GRID1: variants seen among roughly 807,000 people sequenced by gnomAD.
GRID1 encodes the protein glutamate receptor ionotropic, delta-1.
In GRID1, 28 loss-of-function variants were observed where a neutral mutation model predicts 98.0. The ratio of observed to expected loss-of-function variants is 0.29; its 90% CI spans 0.21 to 0.39. The LOEUF (loss-of-function observed/expected upper bound fraction) is 0.39, where lower values mean the gene tolerates loss of function less well. Among genes scored for constraint, GRID1 ranks in the 10% least tolerant of loss-of-function variants. GRID1 has a pLI of 1.00. For synonymous variants in GRID1, 553 were observed against 538.5 expected (o/e 1.03, Z -0.37); for missense variants, 1,111 against 1,340.5 (o/e 0.83, Z 2.67).
chr10:85,847,314 A>G (rs1049478390), intron 8 of GRID1, among the ~76,000 whole-genome samples: 1 of 152,226 alleles, frequency 6.6e-6, no homozygotes, highest in Non-Finnish European at 1.5e-5. Flanking sequence ...GATATGAAAA[A>G]GACCTGGGCC....
chr10:86,232,102 TC>T (rs1386542624), intron 2 of GRID1, among the ~76,000 whole-genome samples: 1 of 152,164 alleles, frequency 6.6e-6, no homozygotes, highest in African/African-American at 2.4e-5. Context: ...AAGCCCTGAA[TC>T]CCAGCTTCCC....
At chr10:86,350,714 C>T (rs1848450967) in intron 2 of GRID1, among the ~76,000 whole-genome samples, 1 of 152,018 alleles carries the variant, frequency 6.6e-6, no homozygotes, top group Non-Finnish European at 1.5e-5. Context: ...TATTTCAATA[C>T]ATGCGTACAA....
At chr10:86,048,748 C>T (rs1229721033) in intron 4 of GRID1, among the ~76,000 whole-genome samples, 1 of 152,204 alleles carries the variant, frequency 6.6e-6, no homozygotes, top group East Asian at 1.9e-4. Context: ...TTATTCAGGA[C>T]ACATCCCACT....
At chr10:86,239,734 C>T (rs1436112444) in intron 2 of GRID1, among the ~76,000 whole-genome samples, 3 of 152,214 alleles carry the variant, frequency 2.0e-5, no homozygotes, top group African/African-American at 7.2e-5. Flanking sequence ...ATGCCTGTTT[C>T]CCTTTCACCT....
At chr10:85,994,552 G>A (rs1471744009) in intron 4 of GRID1, among the ~76,000 whole-genome samples, 1 of 152,214 alleles carries the variant, frequency 6.6e-6, no homozygotes, top group Non-Finnish European at 1.5e-5. Flanking sequence ...AAGGGATGCT[G>A]GGAGGCCCTG....
chr10:85,627,820 A>G (rs1564681771), intron 13 of GRID1, among the ~76,000 whole-genome samples: 3 of 152,188 alleles, frequency 2.0e-5, no homozygotes, highest in African/African-American at 7.2e-5. Context: ...TGAGGGCTCA[A>G]CGCGAGTTCC....
At chr10:85,976,207 A>G (rs1025418382) in intron 4 of GRID1, among the ~76,000 whole-genome samples, 5 of 152,226 alleles carry the variant, frequency 3.3e-5, no homozygotes, top group African/African-American at 1.2e-4. Flanking sequence ...TTTTCAAATA[A>G]CAACAAAATG....
rs1415337757 is a variant in GRID1, at chr10:86,206,673, A to T, written c.236-25T>A. 3 of 1,598,440 alleles carry T rather than the reference A, an allele frequency of 1.9e-6. No individual in the cohort carries two copies. Among genetic ancestry groups the T allele is most frequent in the Non-Finnish European group, 2.6e-6 (3 of 1,168,936 alleles). Reference sequence around the variant, plus strand: ...GCTAGAAAGAGAGAAGAGAGAGAGGAAGGGGTCAGCATCAGGGCGATGCTG... The same window carrying T: ...GCTAGAAAGAGAGAAGAGAGAGAGGTAGGGGTCAGCATCAGGGCGATGCTG... On this transcript the variant is annotated intron_variant, in intron 2 of 15. Coordinates refer to ENST00000327946, the MANE Select transcript of GRID1 (RefSeq NM_017551.3). This position sits in a 1 kb window ranked among gnomAD's most constrained non-coding sequence, Gnocchi z 4.1.
intron 12 of GRID1, among the ~76,000 whole-genome samples, chr10:85,694,387 G>T (rs1366470613): frequency 6.6e-6 from 1 of 151,550 alleles, no homozygotes; most frequent in African/African-American, 2.4e-5. Flanking sequence ...AAGAACTAAG[G>T]ATAGAACTAC....
intron 12 of GRID1, among the ~76,000 whole-genome samples, chr10:85,720,855 C>A (rs1371413722): frequency 6.6e-6 from 1 of 152,080 alleles, no homozygotes; most frequent in Non-Finnish European, 1.5e-5. Flanking sequence ...ATAAATAATT[C>A]TCTAAATTGA....
At chr10:85,933,814 C>T (rs1050884325) in intron 4 of GRID1, among the ~76,000 whole-genome samples, 1 of 152,172 alleles carries the variant, frequency 6.6e-6, no homozygotes, top group African/African-American at 2.4e-5. Context: ...CATCAGTAAC[C>T]TCGGGATTGA....
intron 4 of GRID1, among the ~76,000 whole-genome samples, chr10:85,927,607 T>C (rs10788470): frequency 0.44 from 66,607 of 152,058 alleles, 14,736 homozygotes; most frequent in East Asian, 0.6. Flanking sequence ...AAGTCCTCTT[T>C]TCCCAGAAAC....
intron 12 of GRID1, among the ~76,000 whole-genome samples, chr10:85,712,275 G>T (rs2132637438): frequency 6.6e-6 from 1 of 151,856 alleles, no homozygotes; most frequent in Admixed American, 6.6e-5. Flanking sequence ...CCTCACTGTG[G>T]ATTCAGACAA....
At chr10:86,277,944 G>A (rs1847297469) in intron 2 of GRID1, among the ~76,000 whole-genome samples, 1 of 151,976 alleles carries the variant, frequency 6.6e-6, no homozygotes, top group Non-Finnish European at 1.5e-5. Flanking sequence ...TATTTTAAAT[G>A]TAAATGGGTT....
intron 8 of GRID1, among the ~76,000 whole-genome samples, chr10:85,769,306 G>A (rs185549400): frequency 2.0e-5 from 3 of 152,324 alleles, no homozygotes; most frequent in African/African-American, 2.4e-5. Context: ...GGAGATAAAT[G>A]TGGGGTACAC....
chr10:85,658,327 A>G (rs1840926492), intron 12 of GRID1, among the ~76,000 whole-genome samples: 1 of 152,226 alleles, frequency 6.6e-6, no homozygotes, highest in Non-Finnish European at 1.5e-5. Context: ...ACTAACTTCC[A>G]GACCCTCTGC....
chr10:85,963,582 G>A (rs1186136123), intron 4 of GRID1, among the ~76,000 whole-genome samples: 2 of 152,032 alleles, frequency 1.3e-5, no homozygotes, highest in Non-Finnish European at 2.9e-5. Flanking sequence ...CTCTTACCAC[G>A]CCCAACCTGA....
chr10:85,773,111 A>C (rs1842290332), intron 8 of GRID1, among the ~76,000 whole-genome samples: 1 of 152,238 alleles, frequency 6.6e-6, no homozygotes, highest in African/African-American at 2.4e-5. Context: ...AGCACATCAA[A>C]AACCTTATCC....
At chr10:85,798,005 C>T (rs1300010040) in intron 8 of GRID1, among the ~76,000 whole-genome samples, 1 of 152,106 alleles carries the variant, frequency 6.6e-6, no homozygotes, top group East Asian at 1.9e-4. Context: ...CACGTTTATC[C>T]AATCCACCAT....
Sources: gnomAD v4.1 joint callset for allele counts (sites outside exome capture counted in the v4.1 genomes callset) on GRCh38, gnomAD v4.1.1 for gene constraint, Gnocchi (gnomAD v3.1) non-coding constraint, MANE v1.5 for transcripts, NCBI Gene and HGNC (gene_info 2026-07-23, HGNC 2026-07-21) for gene names.